Variants in RTP2 observed in about 807,000 individuals in gnomAD.
RTP2 encodes the protein receptor-transporting protein 2.
A neutral mutation model predicts 17.9 loss-of-function variants in RTP2; 12 were observed. The ratio of observed to expected loss-of-function variants is 0.67; its 90% confidence interval spans 0.43 to 1.09. The LOEUF is 1.09. RTP2 is among the 50% of genes least tolerant of loss of function. The pLI, the probability that RTP2 is intolerant of heterozygous loss-of-function variation, is 0.00. For synonymous variants in RTP2, 126 were observed against 117.7 expected (o/e 1.07, Z -0.46); for missense variants, 327 against 295.7 (o/e 1.11, Z -0.78).
chr3:187,698,938 G>T lies in RTP2; in HGVS notation c.238C>A (p.Arg80Ser), dbSNP rs750464884. ...CGCACCGAGCCCGCCCGCTGGGCGC[G>T]GTCCAGGAACATGTGGAAGAGGATG... The change falls in exon 2 of 2, where the codon CGC becomes AGC. Residue 80 changes from arginine (R) to serine (S), a missense_variant. Physicochemically the swap from Arg to Ser is moderately radical, Grantham distance 110. Transcript: ENST00000358241. 141 of 1,608,506 alleles carry T rather than the reference G, an allele frequency of 8.8e-5. No homozygotes were observed. The highest frequency in any genetic ancestry group is 1.7e-4 in the Middle Eastern group (1 of 6,048).
chr3:187,705,397 G>A (rs997058124), upstream of RTP2, among the ~76,000 whole-genome samples: 3 of 152,226 alleles, frequency 2.0e-5, no homozygotes, highest in African/African-American at 7.2e-5. Context: ...AAGGCAGGGT[G>A]AAAAGGGAGC....
the RTP2 span, among the ~76,000 whole-genome samples, chr3:187,711,490 C>T: frequency 6.6e-6 from 1 of 152,120 alleles, no homozygotes; most frequent in African/African-American, 2.4e-5. Context: ...TTTCCAGTTC[C>T]CTTTTTATTG....
At chr3:187,698,515 T>G in exon 2 of RTP2, 1 of 1,610,826 alleles carries the variant, frequency 6.2e-7, no homozygotes, top group Non-Finnish European at 8.5e-7. Flanking sequence ...AAGGCAGGAC[T>G]GAGGAAGGAG....
chr3:187,701,816 C>T, intron 1 of RTP2, 149 bp downstream of exon 1: 1 of 665,982 alleles, frequency 1.5e-6, no homozygotes, highest in Non-Finnish European at 2.4e-6. Flanking sequence ...AGCAAGAACT[C>T]TCTGACCCAG....
At chr3:187,698,871 G>T in exon 2 of RTP2, 1 of 1,613,140 alleles carries the variant, frequency 6.2e-7, no homozygotes, top group Non-Finnish European at 8.5e-7. Context: ...GTCCAGCCGC[G>T]CCGTGCCGCA....
At chr3:187,705,221 G>A (rs1717962109), upstream of RTP2, among the ~76,000 whole-genome samples, 1 of 152,174 alleles carries the variant, frequency 6.6e-6, no homozygotes, top group Non-Finnish European at 1.5e-5. Flanking sequence ...TAGAGGGTCT[G>A]GGGACACTTT....
intron 1 of RTP2, among the ~76,000 whole-genome samples, chr3:187,699,266 C>T (rs1256743864): frequency 6.6e-6 from 1 of 152,152 alleles, no homozygotes; most frequent in Non-Finnish European, 1.5e-5. Flanking sequence ...CTAGAGCGTG[C>T]CTCCTGCGGT....
the RTP2 span, among the ~76,000 whole-genome samples, chr3:187,713,551 C>T: frequency 5.9e-5 from 9 of 152,216 alleles, no homozygotes; most frequent in African/African-American, 2.2e-4. Flanking sequence ...CTTTAGATAC[C>T]CTCTAGAGGC....
chr3:187,714,131 G>A, the RTP2 span, among the ~76,000 whole-genome samples: 2 of 152,130 alleles, frequency 1.3e-5, no homozygotes, highest in Admixed American at 6.5e-5. Flanking sequence ...CTTAACTGGC[G>A]AGATTGTGGT....
intron 1 of RTP2, 114 bp downstream of exon 1, chr3:187,701,851 A>G (rs1369011984): frequency 3.2e-6 from 3 of 940,672 alleles, no homozygotes; most frequent in South Asian, 2.2e-5. Flanking sequence ...CTTTTTCCCC[A>G]TCTGAGCTGA....
At chr3:187,709,261 C>A in the RTP2 span, among the ~76,000 whole-genome samples, 1 of 152,118 alleles carries the variant, frequency 6.6e-6, no homozygotes, top group Non-Finnish European at 1.5e-5. Context: ...AAGTTTGGTG[C>A]ACAATGGCTT....
At chr3:187,709,449 G>T in the RTP2 span, among the ~76,000 whole-genome samples, 1 of 152,168 alleles carries the variant, frequency 6.6e-6, no homozygotes, top group African/African-American at 2.4e-5. Flanking sequence ...ACTTTTGGAG[G>T]CCGAGGTGGG....
At chr3:187,698,895 T>G (rs751300346) in exon 2 of RTP2, 2 of 1,611,824 alleles carry the variant, frequency 1.2e-6, no homozygotes, top group Non-Finnish European at 1.7e-6. Flanking sequence ...ATAGCACAGC[T>G]GCTTGAAGAC....
the RTP2 span, among the ~76,000 whole-genome samples, chr3:187,711,644 A>G: frequency 1.3e-5 from 2 of 152,240 alleles, no homozygotes; most frequent in Non-Finnish European, 2.9e-5. Context: ...GACTCAATTT[A>G]GAGAGATAAT....
the RTP2 span, among the ~76,000 whole-genome samples, chr3:187,714,750 G>A: frequency 6.6e-6 from 1 of 152,176 alleles, no homozygotes. Context: ...GCTGGAAGAA[G>A]AGAGGGACTG....
At chr3:187,698,335 T>C (rs1034101671) in exon 2 of RTP2, 22 of 616,946 alleles carry the variant, frequency 3.6e-5, no homozygotes, top group Admixed American at 9.0e-5. Context: ...AATCATTGCC[T>C]ATCTTCTAAT....
chr3:187,705,735 A>G (rs1717976321), upstream of RTP2, among the ~76,000 whole-genome samples: 1 of 152,210 alleles, frequency 6.6e-6, no homozygotes, highest in Non-Finnish European at 1.5e-5. Context: ...TGGCCCCAAC[A>G]CTTAGCTCAG....
intron 1 of RTP2, among the ~76,000 whole-genome samples, chr3:187,701,374 A>G (rs967860717): frequency 6.6e-6 from 1 of 152,234 alleles, no homozygotes; most frequent in Non-Finnish European, 1.5e-5. Context: ...CATAGATAAT[A>G]GAGCTAGAGT....
chr3:187,700,242 A>T (rs1717811582), intron 1 of RTP2, among the ~76,000 whole-genome samples: 1 of 152,256 alleles, frequency 6.6e-6, no homozygotes, highest in Non-Finnish European at 1.5e-5. Flanking sequence ...ACATGAGCAT[A>T]GAACAGTACC....
Sources: allele counts gnomAD v4.1 joint callset (sites outside exome capture counted in the v4.1 genomes callset), GRCh38; gene constraint gnomAD v4.1.1; transcripts MANE v1.5; gene names NCBI Gene and HGNC (gene_info 2026-07-23, HGNC 2026-07-21).